The following NXPE4 variants were observed in gnomAD, a reference collection of about 807,000 sequenced individuals.
NXPE4 encodes the protein NXPE family member 4.
In NXPE4, 42 loss-of-function variants were observed where a neutral mutation model predicts 33.3. The observed-to-expected ratio is 1.26, with a 90% CI of 0.98 to 1.63. The LOEUF (loss-of-function observed/expected upper bound fraction) is 1.63. NXPE4 is among the 40% of genes most tolerant of loss of function. NXPE4 has a pLI of 0.00. For synonymous variants in NXPE4, 253 were observed against 234.9 expected, an observed-to-expected ratio of 1.08 and a Z score of -0.71; for missense variants, 709 against 647.6, an observed-to-expected ratio of 1.09 and a Z score of -1.03.
chr11:114,601,735 A>T, the NXPE4 span, among the ~76,000 whole-genome samples: 1 of 72,196 alleles, frequency 1.4e-5, no homozygotes, highest in East Asian at 4.4e-4. Flanking sequence ...TATATATTAT[A>T]TATAATTATA....
chr11:114,667,543 G>A, the NXPE4 span, among the ~76,000 whole-genome samples: 2 of 152,106 alleles, frequency 1.3e-5, no homozygotes, highest in African/African-American at 4.8e-5. Flanking sequence ...ATATAATTTG[G>A]TGGAAGTCAT....
intron 2 of NXPE4, among the ~76,000 whole-genome samples, chr11:114,590,712 G>A (rs1221586187): frequency 6.6e-6 from 1 of 152,178 alleles, no homozygotes; most frequent in African/African-American, 2.4e-5. Context: ...GGCTACCTGA[G>A]TAAGAAACTT....
chr11:114,577,298 A>G (rs1949032675), intron 5 of NXPE4, among the ~76,000 whole-genome samples: 1 of 151,586 alleles, frequency 6.6e-6, no homozygotes, highest in Admixed American at 6.6e-5. Flanking sequence ...GTAACTCAGG[A>G]ATGGAAAACC....
At chr11:114,595,430 T>G (rs1387183800) in intron 1 of NXPE4, among the ~76,000 whole-genome samples, 162 bp downstream of exon 1, 1 of 152,172 alleles carries the variant, frequency 6.6e-6, no homozygotes, top group Non-Finnish European at 1.5e-5. Flanking sequence ...ATTGCTTGAA[T>G]GCTGCCTTTC....
the NXPE4 span, among the ~76,000 whole-genome samples, chr11:114,637,357 C>A: frequency 5.2e-3 from 786 of 151,980 alleles, 3 homozygotes; most frequent in African/African-American, 0.016. Context: ...CCATGTGTGT[C>A]TCTGCCTGTG....
chr11:114,647,503 A>G, the NXPE4 span, among the ~76,000 whole-genome samples: 2 of 152,194 alleles, frequency 1.3e-5, no homozygotes, highest in East Asian at 1.9e-4. Flanking sequence ...CTCACTAACT[A>G]TGTAAGTTTC....
chr11:114,645,048 T>C, the NXPE4 span, among the ~76,000 whole-genome samples: 1 of 151,790 alleles, frequency 6.6e-6, no homozygotes, highest in Non-Finnish European at 1.5e-5. Context: ...ATGCCTGTAA[T>C]CTCAGCACTT....
the NXPE4 span, among the ~76,000 whole-genome samples, chr11:114,605,614 GATA>G: frequency 6.6e-6 from 1 of 151,914 alleles, no homozygotes; most frequent in Non-Finnish European, 1.5e-5. Context: ...TTACCCGGTG[GATA>G]ATAAGTGTTG....
At chr11:114,585,526 A>C (rs1398677048) in intron 2 of NXPE4, among the ~76,000 whole-genome samples, 3 of 152,144 alleles carry the variant, frequency 2.0e-5, no homozygotes, top group Middle Eastern at 3.2e-3. Context: ...CTGTAAAAAG[A>C]GAAAAAGAAG....
the NXPE4 span, among the ~76,000 whole-genome samples, chr11:114,619,789 G>A: frequency 3.3e-5 from 5 of 151,828 alleles, no homozygotes; most frequent in East Asian, 3.9e-4. Context: ...AATAAGTAAT[G>A]CCTCGTGAGT....
the NXPE4 span, among the ~76,000 whole-genome samples, chr11:114,623,709 G>A: frequency 1.2e-4 from 19 of 152,140 alleles, no homozygotes; most frequent in East Asian, 1.2e-3. Context: ...AGTGTTACCC[G>A]ATGGATAATA....
At chr11:114,676,411 G>T in the NXPE4 span, among the ~76,000 whole-genome samples, 1 of 151,942 alleles carries the variant, frequency 6.6e-6, no homozygotes, top group East Asian at 1.9e-4. Flanking sequence ...TAAGTTAATA[G>T]TAAGAAAATG....
chr11:114,627,995 C>T, the NXPE4 span, among the ~76,000 whole-genome samples: 63 of 151,894 alleles, frequency 4.1e-4, no homozygotes, highest in African/African-American at 7.3e-4. Context: ...ATGGACCCAA[C>T]ACAGGAGCAC....
chr11:114,641,970 T>C, the NXPE4 span, among the ~76,000 whole-genome samples: 2 of 152,166 alleles, frequency 1.3e-5, no homozygotes, highest in African/African-American at 4.8e-5. Flanking sequence ...TTGTGGTATA[T>C]AACAACACAA....
chr11:114,591,048 T>A (rs1243140580), intron 2 of NXPE4, among the ~76,000 whole-genome samples: 1 of 152,090 alleles, frequency 6.6e-6, no homozygotes, highest in Non-Finnish European at 1.5e-5. Flanking sequence ...CCAGGGAGGA[T>A]CTCAGGGAAA....
upstream of NXPE4, among the ~76,000 whole-genome samples, chr11:114,598,243 G>A (rs12362416): frequency 0.49 from 62,158 of 127,796 alleles, 13,489 homozygotes; most frequent in African/African-American, 0.59. Flanking sequence ...GCACACTAAC[G>A]CAAGGGGTGG....
rs10891705 is a variant in NXPE4 at position 114,571,221 on chromosome 11, G to A, written c.1352C>T (p.Ala451Val). The A allele has an allele frequency of 0.34, 543,615 of 1,613,478 alleles. 94,688 individuals carry two copies. The highest frequency in any genetic ancestry group is 0.63 in the East Asian group (28,331 of 44,828). ...CTGAATGGCTTTGTGGACATTGAGG[G>A]CCCTTCGGATAAAAACATCAATGGG... ...PFPIDVFIRRALNVHKAIQHL... is the reference protein window; with the variant it reads ...PFPIDVFIRRVLNVHKAIQHL... Residue 451 changes from alanine to valine, a missense_variant, in exon 6 of 6, where the codon GCC becomes GTC. By Grantham distance (64) the Ala-to-Val change is moderately conservative (BLOSUM62 0). Coordinates refer to ENST00000375478, the MANE Select transcript of NXPE4 (RefSeq NM_001077639.2).
the NXPE4 span, among the ~76,000 whole-genome samples, chr11:114,605,610 G>A: frequency 1.1e-4 from 17 of 151,292 alleles, no homozygotes; most frequent in African/African-American, 2.4e-4. Context: ...ACTGTTACCC[G>A]GTGGATAATA....
chr11:114,630,374 C>G, the NXPE4 span, among the ~76,000 whole-genome samples: 1 of 151,762 alleles, frequency 6.6e-6, no homozygotes, highest in African/African-American at 2.4e-5. Flanking sequence ...CACCACATTT[C>G]TACAACTATC....
Sources: allele counts gnomAD v4.1 joint callset (sites outside exome capture counted in the v4.1 genomes callset), GRCh38; gene constraint gnomAD v4.1.1; transcripts MANE v1.5; gene names NCBI Gene and HGNC (gene_info 2026-07-23, HGNC 2026-07-21).